Variants in SENP1 observed in about 807,000 individuals in gnomAD.
SENP1 encodes the protein sentrin-specific protease 1.
A neutral mutation model predicts 93.0 loss-of-function variants in SENP1; 21 were observed. That is an observed-to-expected ratio of 0.23 (90% CI 0.16 to 0.33). The LOEUF (loss-of-function observed/expected upper bound fraction) is 0.33, where lower values mean the gene tolerates loss of function less well. Ranked by LOEUF, SENP1 falls within the 10% of genes least tolerant of loss-of-function variation. The pLI, the probability that SENP1 is intolerant of heterozygous loss-of-function variation, is 1.00. For missense variants in SENP1, 591 were observed against 758.7 expected (o/e 0.78, Z 2.60); for synonymous variants, 256 against 259.6 (o/e 0.99, Z 0.13).
chr12:48,056,040 A>T (rs1283779734), intron 13 of SENP1, among the ~76,000 whole-genome samples: 14 of 126,844 alleles, frequency 1.1e-4, no homozygotes, highest in Admixed American at 1.7e-4. Flanking sequence ...TTAATATAGT[A>T]TAAATATATA....
chr12:48,088,334 C>T (rs1016798468), intron 5 of SENP1, among the ~76,000 whole-genome samples: 1 of 152,230 alleles, frequency 6.6e-6, no homozygotes. Context: ...AGATTACAGG[C>T]ACGAGTCACC....
At chr12:48,051,814 A>G (rs773075334) in intron 13 of SENP1, among the ~76,000 whole-genome samples, 20 of 151,320 alleles carry the variant, frequency 1.3e-4, no homozygotes, top group Non-Finnish European at 2.4e-4. Context: ...CTCTCTTAGC[A>G]CCAGCAGATC....
chr12:48,066,446 G>A (rs527384396), intron 10 of SENP1, among the ~76,000 whole-genome samples: 1 of 151,490 alleles, frequency 6.6e-6, no homozygotes, highest in Non-Finnish European at 1.5e-5. Context: ...ATAAACATAA[G>A]TATAGAAATG....
At chr12:48,084,648 A>T (rs1944721112) in intron 5 of SENP1, among the ~76,000 whole-genome samples, 2 of 151,992 alleles carry the variant, frequency 1.3e-5, no homozygotes, top group African/African-American at 4.8e-5. Flanking sequence ...GGGTTTCACC[A>T]TGTTAGCTAG....
chr12:48,102,420 A>C (rs1946003418), intron 1 of SENP1, among the ~76,000 whole-genome samples: 1 of 140,678 alleles, frequency 7.1e-6, no homozygotes, highest in South Asian at 2.4e-4. Context: ...CGACAGAGCA[A>C]GACTCTGTCT....
At chr12:48,067,438 G>T (rs1565764089) in intron 9 of SENP1, among the ~76,000 whole-genome samples, 1 of 152,138 alleles carries the variant, frequency 6.6e-6, no homozygotes, top group African/African-American at 2.4e-5. Context: ...TCCTTCCAAA[G>T]ATGACAGGCC....
chr12:48,061,807 G>A (rs1592335146), intron 13 of SENP1, among the ~76,000 whole-genome samples: 1 of 152,136 alleles, frequency 6.6e-6, no homozygotes, highest in South Asian at 2.1e-4. Flanking sequence ...GAAAGCCTAC[G>A]AAGTATGGTA....
intron 9 of SENP1, 85 bp downstream of exon 9, chr12:48,071,582 C>T (rs1183918393): frequency 9.2e-6 from 9 of 977,414 alleles, no homozygotes; most frequent in Middle Eastern, 3.2e-4. Flanking sequence ...CGCCACTACA[C>T]TCCAGCCTGG....
intron 4 of SENP1, among the ~76,000 whole-genome samples, chr12:48,094,147 G>A (rs1223776239): frequency 6.6e-6 from 1 of 152,200 alleles, no homozygotes; most frequent in Non-Finnish European, 1.5e-5. Context: ...GGCCTAGGCA[G>A]AAGAATCACT....
At chr12:48,101,852 T>A (rs1388712290) in intron 1 of SENP1, among the ~76,000 whole-genome samples, 1 of 152,220 alleles carries the variant, frequency 6.6e-6, no homozygotes, top group East Asian at 1.9e-4. Context: ...ACCGAAATTA[T>A]AACCTAGAAA....
chr12:48,096,301 C>A, intron 4 of SENP1, 42 bp downstream of exon 4: 1 of 1,149,196 alleles, frequency 8.7e-7, no homozygotes, highest in Admixed American at 2.1e-5. Context: ...TCAAGAAATC[C>A]AAAAGGTATA....
chr12:48,091,855 A>AT (rs747235034), intron 4 of SENP1, among the ~76,000 whole-genome samples: 76 of 151,906 alleles, frequency 5.0e-4, no homozygotes, highest in Non-Finnish European at 9.9e-4. Flanking sequence ...ATTTATTTTT[A>AT]TTTTTTGTAG....
chr12:48,066,769 C>T (rs1410125149), intron 10 of SENP1, among the ~76,000 whole-genome samples, 158 bp downstream of exon 10: 2 of 152,170 alleles, frequency 1.3e-5, no homozygotes, highest in Non-Finnish European at 2.9e-5. Flanking sequence ...GCCTCAGCCT[C>T]CCAAAATGCT....
At chr12:48,060,795 T>C (rs535596642) in intron 13 of SENP1, among the ~76,000 whole-genome samples, 8 of 152,300 alleles carry the variant, frequency 5.3e-5, no homozygotes, top group African/African-American at 1.9e-4. Context: ...TAATTAGATA[T>C]TTCTATTAGT....
At chr12:48,074,253 C>T (rs1035889928) in intron 8 of SENP1, 71 bp downstream of exon 8, 1 of 1,212,058 alleles carries the variant, frequency 8.3e-7, no homozygotes, top group South Asian at 1.4e-5. Context: ...TACAATGTTG[C>T]CTGTAATGAG....
At chr12:48,103,801 T>C (rs1946130292) in intron 1 of SENP1, among the ~76,000 whole-genome samples, 1 of 152,142 alleles carries the variant, frequency 6.6e-6, no homozygotes, top group Non-Finnish European at 1.5e-5. Flanking sequence ...ATGGGAAACC[T>C]GAAAGAACAA....
chr12:48,061,032 T>C (rs1942925306), intron 13 of SENP1, among the ~76,000 whole-genome samples: 1 of 152,204 alleles, frequency 6.6e-6, no homozygotes. Flanking sequence ...TAAAACCTAC[T>C]GTATGAATAG....
At chr12:48,070,660 G>A (rs1029785109) in intron 9 of SENP1, among the ~76,000 whole-genome samples, 4 of 152,180 alleles carry the variant, frequency 2.6e-5, no homozygotes, top group Non-Finnish European at 5.9e-5. Flanking sequence ...GTATACCATA[G>A]TAAGGAGCCT....
At chr12:48,070,448 A>G (rs1943611606) in intron 9 of SENP1, among the ~76,000 whole-genome samples, 1 of 152,072 alleles carries the variant, frequency 6.6e-6, no homozygotes, top group South Asian at 2.1e-4. Flanking sequence ...CTTCCCCTCA[A>G]GTAGAATGCA....
Sources: allele counts gnomAD v4.1 joint callset (sites outside exome capture counted in the v4.1 genomes callset), GRCh38; gene constraint gnomAD v4.1.1; transcripts MANE v1.5; gene names NCBI Gene and HGNC (gene_info 2026-07-23, HGNC 2026-07-21).